Variants in EML6 observed in about 807,000 individuals in gnomAD.
EML6 encodes the protein echinoderm microtubule-associated protein-like 6.
Under a neutral mutation model 240.1 loss-of-function variants are expected in EML6, and 154 were observed. That is an observed-to-expected ratio of 0.64 (90% confidence interval 0.56 to 0.73). EML6 has a LOEUF of 0.73. Among genes scored for constraint, EML6 ranks in the 30% least tolerant of loss-of-function variants. EML6 has a pLI of 0.00. For synonymous variants in EML6, 1,148 were observed against 899.0 expected (o/e 1.28, Z -4.95); for missense variants, 2,964 against 2,474.6 (o/e 1.20, Z -4.20).
At chr2:54,745,676 G>T (rs1175116671) in intron 2 of EML6, among the ~76,000 whole-genome samples, 1 of 152,164 alleles carries the variant, frequency 6.6e-6, no homozygotes, top group Non-Finnish European at 1.5e-5. Context: ...AGCTGCTTGG[G>T]AGGCTGAGGA....
intron 9 of EML6, among the ~76,000 whole-genome samples, 177 bp downstream of exon 9, chr2:54,847,800 C>A (rs1182127742): frequency 6.6e-6 from 1 of 152,102 alleles, no homozygotes; most frequent in African/African-American, 2.4e-5. Flanking sequence ...TCTGAAAATA[C>A]AAAATTATTT....
intron 7 of EML6, among the ~76,000 whole-genome samples, chr2:54,836,714 G>A (rs543096571): frequency 6.6e-6 from 1 of 152,298 alleles, no homozygotes; most frequent in African/African-American, 2.4e-5. Flanking sequence ...TGGTACTCAG[G>A]AGGGCCCTGC....
intron 7 of EML6, among the ~76,000 whole-genome samples, chr2:54,836,107 T>C (rs892647688): frequency 3.6e-4 from 55 of 152,150 alleles, no homozygotes; most frequent in Admixed American, 2.6e-4. Flanking sequence ...AGAAGAACAC[T>C]GCAGAGGCCC....
intron 17 of EML6, among the ~76,000 whole-genome samples, chr2:54,888,464 G>A (rs1268264174): frequency 6.6e-6 from 1 of 152,148 alleles, no homozygotes; most frequent in Non-Finnish European, 1.5e-5. Context: ...AGTATATTCA[G>A]GAGAGTTTCA....
At chr2:54,786,727 C>G (rs1044813345) in intron 2 of EML6, among the ~76,000 whole-genome samples, 1 of 152,170 alleles carries the variant, frequency 6.6e-6, no homozygotes, top group Non-Finnish European at 1.5e-5. Flanking sequence ...CCCAGATGCT[C>G]GAGTTTCCAT....
chr2:54,779,261 G>T (rs1321390163), intron 2 of EML6, among the ~76,000 whole-genome samples: 11 of 152,120 alleles, frequency 7.2e-5, no homozygotes, highest in Non-Finnish European at 1.5e-4. Context: ...AGGAGGGGCT[G>T]GGTGCAGTGG....
chr2:54,925,398 G>T (rs1045834167), intron 26 of EML6, among the ~76,000 whole-genome samples: 8 of 152,152 alleles, frequency 5.3e-5, no homozygotes, highest in African/African-American at 1.7e-4. Context: ...CCATGCCATT[G>T]CTATATTCTC....
chr2:54,907,851 C>T (rs1334510590), intron 24 of EML6, among the ~76,000 whole-genome samples: 1 of 151,858 alleles, frequency 6.6e-6, no homozygotes, highest in African/African-American at 2.4e-5. Flanking sequence ...GCTCCTCATC[C>T]TCAGAATATG....
intron 7 of EML6, among the ~76,000 whole-genome samples, chr2:54,831,351 G>A (rs1039557542): frequency 6.6e-6 from 1 of 152,238 alleles, no homozygotes; most frequent in East Asian, 1.9e-4. Flanking sequence ...ATTGGTTTAC[G>A]CTGCTATACT....
rs545259174 is a variant in EML6 at position 54,942,847 on chromosome 2, G to A, written c.4005-6035G>A. Among the ~76,000 whole-genome samples, 42 of 152,216 alleles carry A rather than the reference G, an allele frequency of 2.8e-4. No homozygotes were observed. In the South Asian group the frequency reaches 3.3e-3, roughly 12 times the overall value. On this transcript the variant is annotated intron_variant, in intron 28 of 41. Transcript: ENST00000356458. ...ACCTGATCTTCATCAAGACAAATAA[G>A]TGCCTAGACACCTTCATTTTTCCCC...
intron 2 of EML6, among the ~76,000 whole-genome samples, chr2:54,789,113 T>G (rs988999908): frequency 5.9e-5 from 9 of 152,228 alleles, no homozygotes; most frequent in Non-Finnish European, 1.0e-4. Context: ...GCACTTTGGT[T>G]TTATTCCAAT....
intron 2 of EML6, among the ~76,000 whole-genome samples, chr2:54,797,187 A>AC (rs1456502013): frequency 6.7e-6 from 1 of 149,472 alleles, no homozygotes; most frequent in African/African-American, 2.5e-5. Context: ...AAAAAAAAAA[A>AC]AACTGTGATC....
intron 17 of EML6, chr2:54,882,374 G>C (rs1671863201): frequency 2.7e-5 from 4 of 150,816 alleles, no homozygotes; most frequent in Admixed American, 2.6e-4. Flanking sequence ...GTAGTTACAG[G>C]GTGTAACATC....
chr2:54,838,029 TTC>T (rs1392588733), intron 7 of EML6, among the ~76,000 whole-genome samples: 1 of 152,224 alleles, frequency 6.6e-6, no homozygotes, highest in East Asian at 1.9e-4. Flanking sequence ...AAATGGTTTG[TTC>T]TCTTTGTGTG....
chr2:54,899,131 A>C (rs979222317), intron 21 of EML6, among the ~76,000 whole-genome samples: 1 of 152,232 alleles, frequency 6.6e-6, no homozygotes. Context: ...GCCGAATGCT[A>C]CACATTCAAA....
At chr2:54,797,808 C>T (rs1315585590) in intron 2 of EML6, among the ~76,000 whole-genome samples, 1 of 152,080 alleles carries the variant, frequency 6.6e-6, no homozygotes. Context: ...TAATCTTGGG[C>T]AAGTTACTTG....
intron 22 of EML6, among the ~76,000 whole-genome samples, chr2:54,900,225 T>C (rs1295309909): frequency 2.0e-5 from 3 of 152,180 alleles, no homozygotes; most frequent in Admixed American, 6.5e-5. Flanking sequence ...GCACTAGAAC[T>C]ATGAGGTGTA....
At chr2:54,933,083 A>G (rs2104411637) in intron 28 of EML6, among the ~76,000 whole-genome samples, 1 of 152,194 alleles carries the variant, frequency 6.6e-6, no homozygotes, top group Non-Finnish European at 1.5e-5. Flanking sequence ...CTGGGTTATT[A>G]CAGTTCTTCA....
chr2:54,917,560 A>G (rs1256203759), intron 26 of EML6, among the ~76,000 whole-genome samples: 1 of 151,830 alleles, frequency 6.6e-6, no homozygotes, highest in Non-Finnish European at 1.5e-5. Flanking sequence ...AGAGGGTTTC[A>G]CCATCTTGAC....
Sources: gnomAD v4.1 joint callset for allele counts (sites outside exome capture counted in the v4.1 genomes callset) on GRCh38, gnomAD v4.1.1 for gene constraint, MANE v1.5 for transcripts, NCBI Gene and HGNC (gene_info 2026-07-23, HGNC 2026-07-21) for gene names.